The following JAKMIP1 variants were observed in gnomAD, a reference collection of about 807,000 sequenced individuals.
The protein encoded by JAKMIP1 is janus kinase and microtubule interacting protein 1.
Under a neutral mutation model 113.0 loss-of-function variants are expected in JAKMIP1, and 33 were observed. The ratio of observed to expected loss-of-function variants is 0.29; its 90% CI spans 0.22 to 0.39. JAKMIP1 has a LOEUF of 0.39. Ranked by LOEUF, JAKMIP1 falls within the 10% of genes least tolerant of loss-of-function variation. The pLI is 1.00. For missense variants in JAKMIP1, 813 were observed against 1,080.5 expected (o/e 0.75, Z 3.47); for synonymous variants, 480 against 459.9 (o/e 1.04, Z -0.56).
In JAKMIP1 at chr4:6,094,037, G is replaced by A. The variant is rs759528314; in HGVS notation, c.625-8408C>T. Reference sequence around the variant, plus strand: ...GTCACCTGTCACCCCAGTAGACTGCGAGCTCCCTGCAGATGGCCAGGCAGG... The same window carrying A: ...GTCACCTGTCACCCCAGTAGACTGCAAGCTCCCTGCAGATGGCCAGGCAGG... On this transcript the variant is annotated intron_variant, in intron 3 of 20. Transcript: ENST00000409021. The surrounding 1 kb of genome is among the most constrained non-coding windows in gnomAD (Gnocchi z 4.2). Among the ~76,000 whole-genome samples, 1 of 152,036 alleles carries A rather than the reference G, an allele frequency of 6.6e-6. No homozygotes were observed. The highest frequency in any genetic ancestry group is 1.5e-5 in the Non-Finnish European group (1 of 68,018).
chr4:6,066,632 C>A (rs578157667), intron 8 of JAKMIP1, among the ~76,000 whole-genome samples: 1 of 152,192 alleles, frequency 6.6e-6, no homozygotes, highest in African/African-American at 2.4e-5. Flanking sequence ...GGCCCCAATC[C>A]CAGGAGTCCT....
chr4:6,060,863 C>G lies in JAKMIP1; in HGVS notation c.1561-356G>C, dbSNP rs576701079. On this transcript the variant is annotated intron_variant, in intron 10 of 20. Transcript: ENST00000409021. ...GCCCAGCTCTCTGACCAAGTCCAAT[C>G]CTTACTGAACCTGAAGCTCATTCAG... Among the ~76,000 whole-genome samples, 6 of 152,386 alleles carry G rather than the reference C, an allele frequency of 3.9e-5. No homozygotes were observed. The East Asian group carries it at 9.6e-4, about 24-fold the overall frequency.
At chr4:6,127,671 G>A (rs1320604993) in intron 1 of JAKMIP1, among the ~76,000 whole-genome samples, 2 of 152,176 alleles carry the variant, frequency 1.3e-5, no homozygotes, top group Non-Finnish European at 2.9e-5. Flanking sequence ...AGGCCCCACA[G>A]GCCACATCCC....
chr4:6,090,231 AAG>A (rs1400623904), intron 3 of JAKMIP1, among the ~76,000 whole-genome samples: 18 of 151,974 alleles, frequency 1.2e-4, no homozygotes, highest in African/African-American at 4.4e-4. Flanking sequence ...CAAAAAAAAA[AAG>A]AAGAAAAAGA....
chr4:6,104,854 G>T (rs1480149820), intron 3 of JAKMIP1, among the ~76,000 whole-genome samples: 1 of 152,164 alleles, frequency 6.6e-6, no homozygotes, highest in African/African-American at 2.4e-5. Flanking sequence ...GGCTCCTCTG[G>T]TTTCCATTGT....
chr4:6,064,511 C>T lies in JAKMIP1; in HGVS notation c.1431+369G>A, dbSNP rs567902984. Among the ~76,000 whole-genome samples the T allele has an allele frequency of 3.9e-5, 6 of 152,306 alleles. No homozygotes were observed. In the East Asian group the frequency reaches 1.2e-3, roughly 29 times the overall value. ...GCCCGGTGGTGTGTCCGTGTGTGCA[C>T]ACATGCGTGGGGACCAGGGAGAGAC... On this transcript the variant is annotated intron_variant, in intron 9 of 20. Transcript: ENST00000409021. This position sits in a 1 kb window ranked among gnomAD's most constrained non-coding sequence, Gnocchi z 4.3.
chr4:6,086,259 T>G lies in JAKMIP1; in HGVS notation c.625-630A>C, dbSNP rs983946235. 1.3e-5 allele frequency among the ~76,000 whole-genome samples: 2 copies of G among 152,120 alleles called. No homozygotes were observed. Among genetic ancestry groups the G allele is most frequent in the Non-Finnish European group, 2.9e-5 (2 of 68,030 alleles). On this transcript the variant is annotated intron_variant, in intron 3 of 20. Transcript: ENST00000409021. This position sits in a 1 kb window ranked among gnomAD's most constrained non-coding sequence, Gnocchi z 4.1. ...TCTGGCTCTCATTGAAGCCTGGAGT[T>G]TCCAAGGCTCGGGCCTCTTCTCACT...
In JAKMIP1 at chr4:6,094,605, C is replaced by A. The variant is rs1358370377; in HGVS notation, c.625-8976G>T. On this transcript the variant is annotated intron_variant, in intron 3 of 20. Coordinates refer to ENST00000409021, the MANE Select transcript of JAKMIP1 (RefSeq NM_001099433.2). The surrounding 1 kb of genome is among the most constrained non-coding windows in gnomAD (Gnocchi z 4.2). ...CAAGGCCTTAAGCTGTGCCTTGATT[C>A]CTCCTACCTTGTCAAACTAGTTCCC... Among the ~76,000 whole-genome samples the A allele has an allele frequency of 1.3e-5, 2 of 152,218 alleles. No individual in the cohort carries two copies. The highest frequency in any genetic ancestry group is 2.9e-5 in the Non-Finnish European group (2 of 68,046).
At chr4:6,125,007 T>C (rs1717208378) in intron 1 of JAKMIP1, among the ~76,000 whole-genome samples, 1 of 152,064 alleles carries the variant, frequency 6.6e-6, no homozygotes, top group East Asian at 1.9e-4. Context: ...GGGCTGTAGG[T>C]CACAGAGGGA....
Position 6,162,268 on chromosome 4 carries a change from AG to A in JAKMIP1, c.-148+37984del, listed in dbSNP as rs1723064517. Among the ~76,000 whole-genome samples, 1 of 152,168 alleles carries A rather than the reference AG, an allele frequency of 6.6e-6. No individual in the cohort carries two copies. The highest frequency in any genetic ancestry group is 2.1e-4 in the South Asian group (1 of 4,832). ...CTCTCAGCTGCTGGAAGGCCTACCTAGGTGGTGACAGGGCCAGCAGAGGAGA... is the reference window on the plus strand; with the variant it reads ...CTCTCAGCTGCTGGAAGGCCTACCTAGTGGTGACAGGGCCAGCAGAGGAGA... On this transcript the variant is annotated intron_variant, in intron 1 of 20. Transcript: ENST00000409021. This position sits in a 1 kb window ranked among gnomAD's most constrained non-coding sequence, Gnocchi z 5.6.
Position 6,193,627 on chromosome 4 carries a change from G to A in JAKMIP1, c.-148+6626C>T, listed in dbSNP as rs1344740018. On this transcript the variant is annotated intron_variant, in intron 1 of 20. Coordinates refer to ENST00000409021, the MANE Select transcript of JAKMIP1 (RefSeq NM_001099433.2). The surrounding 1 kb of genome is among the most constrained non-coding windows in gnomAD (Gnocchi z 6.4). ...TCTCTGGGGCACTCGGCTGGCTCCC[G>A]CATCGTCCCTCCTGCCTCGGGGTGC... 6.6e-6 allele frequency among the ~76,000 whole-genome samples: 1 copy of A among 152,306 alleles called. No individual in the cohort carries two copies. Among genetic ancestry groups the A allele is most frequent in the Admixed American group, 6.5e-5 (1 of 15,306 alleles).
At chr4:6,173,536 T>A (rs1442797160) in intron 1 of JAKMIP1, among the ~76,000 whole-genome samples, 2 of 152,232 alleles carry the variant, frequency 1.3e-5, no homozygotes, top group African/African-American at 4.8e-5. Flanking sequence ...AACACCTTTT[T>A]AAAAATGTCT....
chr4:6,149,338 G>C (rs4398594), intron 1 of JAKMIP1, among the ~76,000 whole-genome samples: 74 of 152,112 alleles, frequency 4.9e-4, no homozygotes, highest in Middle Eastern at 3.4e-3. Context: ...TTTCTCCCAG[G>C]AGGAAGAGAC....
rs960977261 is a variant in JAKMIP1, at chr4:6,051,719, A to G, written c.1807-1040T>C. Among the ~76,000 whole-genome samples the G allele has an allele frequency of 6.6e-6, 1 of 152,222 alleles. No individual in the cohort carries two copies. The highest frequency in any genetic ancestry group is 2.4e-5 in the African/African-American group (1 of 41,452). On this transcript the variant is annotated intron_variant, in intron 13 of 20. Coordinates refer to ENST00000409021, the MANE Select transcript of JAKMIP1 (RefSeq NM_001099433.2). This position sits in a 1 kb window ranked among gnomAD's most constrained non-coding sequence, Gnocchi z 5.0. ...CTTTTCCCAGAAGAGGTATTTATTA[A>G]TCATACATAAATGACAAGGTTTTAA...
Position 6,141,547 on chromosome 4 carries a change from T to A in JAKMIP1, c.-147-28550A>T, listed in dbSNP as rs947123445. ...TTTACAAAACAAATATTGACTACAG[T>A]CCTTAGGACCCCCATAAATAATTTT... On this transcript the variant is annotated intron_variant, in intron 1 of 20. Transcript: ENST00000409021. This position sits in a 1 kb window ranked among gnomAD's most constrained non-coding sequence, Gnocchi z 9.4. Among the ~76,000 whole-genome samples the A allele has an allele frequency of 3.3e-5, 5 of 152,164 alleles. No homozygotes were observed. Among genetic ancestry groups the A allele is most frequent in the Admixed American group, 2.6e-4 (4 of 15,272 alleles).
intron 16 of JAKMIP1, among the ~76,000 whole-genome samples, chr4:6,045,145 A>G (rs894356566): frequency 3.3e-5 from 5 of 152,258 alleles, no homozygotes; most frequent in African/African-American, 9.6e-5. Context: ...CTCACGGCCA[A>G]CTATTAGAAA....
rs189886744 is a variant in JAKMIP1 at position 6,110,413 on chromosome 4, G to T, written c.129+2309C>A. ...CTGTGAGACAGCAATCGTCTGTTGC[G>T]TAAGCCGCCCTATCTGTGGGACTTG... On this transcript the variant is annotated intron_variant, in intron 2 of 20. Transcript: ENST00000409021. 3.3e-5 allele frequency among the ~76,000 whole-genome samples: 5 copies of T among 151,842 alleles called. No homozygotes were observed. In the South Asian group the frequency reaches 1.1e-3, roughly 32 times the overall value.
At position 6,086,827 on chromosome 4, in the gene JAKMIP1, G is replaced by C. The variant is rs985577539; in HGVS notation, c.625-1198C>G. Reference sequence around the variant, plus strand: ...TATGAGAGGAGAAGAGAGACACAGAGGGGAAGGCCGTGTAAGGACGGAGGC... The same window carrying C: ...TATGAGAGGAGAAGAGAGACACAGACGGGAAGGCCGTGTAAGGACGGAGGC... On this transcript the variant is annotated intron_variant, in intron 3 of 20. Coordinates refer to ENST00000409021, the MANE Select transcript of JAKMIP1 (RefSeq NM_001099433.2). The surrounding 1 kb of genome is among the most constrained non-coding windows in gnomAD (Gnocchi z 4.1). Among the ~76,000 whole-genome samples the C allele has an allele frequency of 6.6e-6, 1 of 152,094 alleles. No homozygotes were observed. Among genetic ancestry groups the C allele is most frequent in the African/African-American group, 2.4e-5 (1 of 41,416 alleles).
At chr4:6,056,193 T>C (rs952595719) in intron 12 of JAKMIP1, among the ~76,000 whole-genome samples, 1 of 131,586 alleles carries the variant, frequency 7.6e-6, no homozygotes. Context: ...TTGGGACCTG[T>C]CCTCCCCATT....
Sources: allele counts gnomAD v4.1 joint callset (sites outside exome capture counted in the v4.1 genomes callset), GRCh38; gene constraint gnomAD v4.1.1; non-coding constraint Gnocchi (gnomAD v3.1); transcripts MANE v1.5; gene names NCBI Gene and HGNC (gene_info 2026-07-23, HGNC 2026-07-21).